Variants in RBFOX1 observed in about 807,000 individuals in gnomAD.
The protein encoded by RBFOX1 is RNA binding protein fox-1 homolog 1.
A neutral mutation model predicts 57.7 loss-of-function variants in RBFOX1; 8 were observed. The observed-to-expected ratio is 0.14, with a 90% CI of 0.08 to 0.25. RBFOX1 has a LOEUF of 0.25. Ranked by LOEUF, RBFOX1 falls within the 10% of genes least tolerant of loss-of-function variation. The probability of loss-of-function intolerance (pLI) is 1.00; values close to 1 mark genes in which losing one functional copy is unlikely to be tolerated. For synonymous variants in RBFOX1, 326 were observed against 222.4 expected, an observed-to-expected ratio of 1.47 and a Z score of -4.15; for missense variants, 611 against 548.5, an observed-to-expected ratio of 1.11 and a Z score of -1.14.
intron 3 of RBFOX1, among the ~76,000 whole-genome samples, chr16:6,839,481 A>G (rs922415181): frequency 2.0e-5 from 3 of 152,226 alleles, no homozygotes; most frequent in Non-Finnish European, 4.4e-5. Flanking sequence ...CTGGGCACAA[A>G]TAGGTTTCTT....
intron 3 of RBFOX1, among the ~76,000 whole-genome samples, chr16:6,688,155 G>C (rs1012079961): frequency 6.6e-6 from 1 of 152,032 alleles, no homozygotes; most frequent in Admixed American, 6.5e-5. Context: ...CTTCTGGGGA[G>C]GTTTCAGAAG....
chr16:5,759,597 C>A (rs1039700157), intron 3 of RBFOX1, among the ~76,000 whole-genome samples: 5 of 152,218 alleles, frequency 3.3e-5, no homozygotes, highest in Admixed American at 6.5e-5. Context: ...GTTCCTTTTG[C>A]CGCCAGTGCC....
intron 2 of RBFOX1, among the ~76,000 whole-genome samples, chr16:6,593,231 T>C (rs977888007): frequency 1.3e-5 from 2 of 152,106 alleles, no homozygotes; most frequent in African/African-American, 4.8e-5. Context: ...ATCACCCTCT[T>C]CCACGTACCC....
intron 4 of RBFOX1, among the ~76,000 whole-genome samples, chr16:5,999,785 T>G (rs184390140): frequency 7.3e-6 from 1 of 137,340 alleles, no homozygotes; most frequent in African/African-American, 2.7e-5. Context: ...GGCGTGAACC[T>G]GGGAGGCGGA....
intron 3 of RBFOX1, among the ~76,000 whole-genome samples, chr16:5,669,429 T>TTC (rs1394124139): frequency 1.3e-5 from 2 of 149,386 alleles, no homozygotes; most frequent in African/African-American, 4.9e-5. Flanking sequence ...TGGCTTTTTT[T>TTC]TTTTTTTTTT....
chr16:6,875,730 C>A (rs921695427), intron 3 of RBFOX1, among the ~76,000 whole-genome samples: 4 of 152,162 alleles, frequency 2.6e-5, no homozygotes, highest in African/African-American at 7.2e-5. Context: ...CACATCTGGG[C>A]ATGGTGGCCC....
intron 3 of RBFOX1, among the ~76,000 whole-genome samples, chr16:6,724,987 A>G (rs1419228709): frequency 6.6e-6 from 1 of 151,196 alleles, no homozygotes; most frequent in Non-Finnish European, 1.5e-5. Flanking sequence ...ATAGTGTATA[A>G]TGAGTAATGG....
At chr16:7,098,137 G>C (rs2062014061) in intron 4 of RBFOX1, among the ~76,000 whole-genome samples, 1 of 152,136 alleles carries the variant, frequency 6.6e-6, no homozygotes, top group Non-Finnish European at 1.5e-5. Context: ...ATGGAAGATG[G>C]AGGGTAATAT....
In RBFOX1 at chr16:6,520,940, A is replaced by AG. The variant is rs539520558; in HGVS notation, c.-63-133656dup. On this transcript the variant is annotated intron_variant, in intron 2 of 15. Coordinates refer to ENST00000550418, the MANE Select transcript of RBFOX1 (RefSeq NM_018723.4). ...GAATAACCAGTGTTGGAAAGAGTGT[A>AG]GGGGGGGAAAAAAATAATTGCTTCG... is the stretch of plus-strand genomic sequence containing the variant. Among the ~76,000 whole-genome samples the AG allele has an allele frequency of 2.3e-3, 350 of 152,150 alleles. 3 individuals carry two copies. The Middle Eastern group carries it at 0.037, about 16-fold the overall frequency.
intron 2 of RBFOX1, among the ~76,000 whole-genome samples, chr16:6,563,467 G>A (rs568390337): frequency 6.6e-6 from 1 of 152,130 alleles, no homozygotes; most frequent in Non-Finnish European, 1.5e-5. Flanking sequence ...AAAAAATTTG[G>A]TGCATCCCTA....
chr16:6,508,945 C>T (rs1373044507), intron 2 of RBFOX1, among the ~76,000 whole-genome samples: 3 of 151,766 alleles, frequency 2.0e-5, no homozygotes, highest in Non-Finnish European at 4.4e-5. Flanking sequence ...CAGGTTGAGA[C>T]CTGGTTTCTC....
intron 2 of RBFOX1, among the ~76,000 whole-genome samples, chr16:6,526,829 CAAAAAAAAAAAAAA>C (rs541468859): frequency 3.3e-4 from 11 of 32,896 alleles, no homozygotes; most frequent in Non-Finnish European, 5.5e-4. Context: ...GACTCTGTCT[CAAAAAAAAAAAAAA>C]AAAAAAAAAA....
chr16:5,400,625 TG>T (rs1178543417), intron 1 of RBFOX1, among the ~76,000 whole-genome samples: 1 of 152,136 alleles, frequency 6.6e-6, no homozygotes, highest in Non-Finnish European at 1.5e-5. Flanking sequence ...ATATTATGCC[TG>T]GGCCATAGTT....
intron 14 of RBFOX1, among the ~76,000 whole-genome samples, chr16:7,706,341 T>G (rs925898824): frequency 6.6e-6 from 1 of 152,242 alleles, no homozygotes; most frequent in Non-Finnish European, 1.5e-5. Context: ...AGCTCATTTC[T>G]GAGGAGTAGT....
intron 1 of RBFOX1, among the ~76,000 whole-genome samples, chr16:6,040,194 G>A (rs1217367679): frequency 1.3e-5 from 2 of 152,094 alleles, no homozygotes; most frequent in Non-Finnish European, 2.9e-5. Context: ...ATGTTTTATT[G>A]TAAAATACAC....
chr16:7,225,782 A>G (rs985337795), intron 4 of RBFOX1, among the ~76,000 whole-genome samples: 5 of 146,502 alleles, frequency 3.4e-5, no homozygotes, highest in Non-Finnish European at 7.5e-5. Context: ...GAGGGATAGC[A>G]TTAGGAGATA....
chr16:6,767,663 C>T (rs2077530779), intron 3 of RBFOX1, among the ~76,000 whole-genome samples: 1 of 151,912 alleles, frequency 6.6e-6, no homozygotes, highest in South Asian at 2.1e-4. Flanking sequence ...TGCCTGTAAT[C>T]CCAACACTTT....
At chr16:6,694,370 C>A (rs1330245445) in intron 3 of RBFOX1, among the ~76,000 whole-genome samples, 1 of 152,092 alleles carries the variant, frequency 6.6e-6, no homozygotes, top group Non-Finnish European at 1.5e-5. Context: ...AGATTATATC[C>A]ACAGTTCTCA....
chr16:5,984,368 G>C (rs1275336021), intron 4 of RBFOX1, among the ~76,000 whole-genome samples: 1 of 151,384 alleles, frequency 6.6e-6, no homozygotes, highest in African/African-American at 2.4e-5. Context: ...CTTTTCTAAA[G>C]CAATGAACTA....
Sources: allele counts gnomAD v4.1 joint callset (sites outside exome capture counted in the v4.1 genomes callset), GRCh38; gene constraint gnomAD v4.1.1; transcripts MANE v1.5; gene names NCBI Gene and HGNC (gene_info 2026-07-23, HGNC 2026-07-21).